NCOR2: variants seen among roughly 807,000 people sequenced by gnomAD.
The protein encoded by NCOR2 is nuclear receptor corepressor 2, also known as CTG repeat protein 26.
Under a neutral mutation model 262.9 loss-of-function variants are expected in NCOR2, and 81 were observed. That is an observed-to-expected ratio of 0.31 (90% CI 0.26 to 0.37). NCOR2 has a LOEUF of 0.37. Among genes scored for constraint, NCOR2 ranks in the 10% least tolerant of loss-of-function variants. The pLI is 1.00. For missense variants in NCOR2, 3,385 were observed against 3,621.4 expected (o/e 0.93, Z 1.68); for synonymous variants, 1,659 against 1,559.3 (o/e 1.06, Z -1.51).
chr12:124,491,561 A>G (rs2136874752), intron 1 of NCOR2, among the ~76,000 whole-genome samples: 1 of 152,314 alleles, frequency 6.6e-6, no homozygotes, highest in Middle Eastern at 3.4e-3. Context: ...ACACAGCAGA[A>G]AAGAGTCACG....
chr12:124,511,081 G>A (rs952701473), intron 1 of NCOR2, among the ~76,000 whole-genome samples: 1 of 152,242 alleles, frequency 6.6e-6, no homozygotes, highest in African/African-American at 2.4e-5. Flanking sequence ...CATGCTAAGA[G>A]CAAAATCGCA....
In NCOR2 at chr12:124,389,350, C is replaced by A. The variant is rs953664009; in HGVS notation, c.1877-3463G>T. Among the ~76,000 whole-genome samples the A allele has an allele frequency of 7.2e-5, 11 of 151,984 alleles. No homozygotes were observed. Among genetic ancestry groups the A allele is most frequent in the Admixed American group, 1.3e-4 (2 of 15,268 alleles). ...AATGTGACCTCCAGACGGAGGCTCG[C>A]GGCGGGCGGGCAGGCGGGCGGGGGA... On this transcript the variant is annotated intron_variant, in intron 16 of 46. Transcript: ENST00000405201. This position sits in a 1 kb window ranked among gnomAD's most constrained non-coding sequence, Gnocchi z 4.4.
intron 16 of NCOR2, among the ~76,000 whole-genome samples, chr12:124,387,618 G>A (rs2040915599): frequency 6.6e-6 from 1 of 152,180 alleles, no homozygotes; most frequent in African/African-American, 2.4e-5. Flanking sequence ...GAGCCACGTG[G>A]CCTCACAGCC....
At chr12:124,344,821 C>T (rs778778124) in exon 32 of NCOR2, 12 of 1,555,834 alleles carry the variant, frequency 7.7e-6, no homozygotes, top group African/African-American at 5.4e-5. Flanking sequence ...TTCCAGTGCC[C>T]GGGCGTCGGC....
intron 9 of NCOR2, 61 bp from the exon 12 acceptor site, chr12:124,429,767 C>T (rs970062087): frequency 6.8e-7 from 1 of 1,464,888 alleles, no homozygotes; most frequent in East Asian, 2.5e-5. Flanking sequence ...ACTAGCAGAC[C>T]CCTGTGGCGC....
Position 124,523,471 on chromosome 12 carries a change from C to T in NCOR2, c.-118+12094G>A, listed in dbSNP as rs547486194. On this transcript the variant is annotated intron_variant, in intron 1 of 46. Transcript: ENST00000404621. This position sits in a 1 kb window ranked among gnomAD's most constrained non-coding sequence, Gnocchi z 4.0. ...CCTAACCCGGGAAGGACACATCACG[C>T]CGGCCAGCATCACCCAAGCTCTCAG... Among the ~76,000 whole-genome samples the T allele has an allele frequency of 6.6e-6, 1 of 152,262 alleles. No individual in the cohort carries two copies. Among genetic ancestry groups the T allele is most frequent in the African/African-American group, 2.4e-5 (1 of 41,554 alleles).
At chr12:124,368,637 T>C (rs1423309715) in intron 20 of NCOR2, among the ~76,000 whole-genome samples, 1 of 152,228 alleles carries the variant, frequency 6.6e-6, no homozygotes, top group African/African-American at 2.4e-5. Flanking sequence ...ACAGGGCCTT[T>C]GCACTGGTGG....
chr12:124,369,581 G>A (rs960640355), intron 20 of NCOR2, among the ~76,000 whole-genome samples: 21 of 152,160 alleles, frequency 1.4e-4, no homozygotes, highest in Admixed American at 9.8e-4. Flanking sequence ...AGTCGTGGCC[G>A]GCAGAGGGAG....
intron 17 of NCOR2, chr12:124,383,433 G>T: frequency 3.5e-6 from 2 of 572,110 alleles, no homozygotes; most frequent in Non-Finnish European, 5.0e-6. Flanking sequence ...TTCACTGGTG[G>T]TCACCACACT....
intron 7 of NCOR2, among the ~76,000 whole-genome samples, chr12:124,441,873 C>A (rs1159220325): frequency 6.6e-6 from 1 of 152,222 alleles, no homozygotes; most frequent in Non-Finnish European, 1.5e-5. Flanking sequence ...CCCACCATCC[C>A]AGTCTTACCA....
intron 1 of NCOR2, among the ~76,000 whole-genome samples, chr12:124,565,250 G>C (rs900065665): frequency 6.6e-6 from 1 of 152,036 alleles, no homozygotes; most frequent in African/African-American, 2.4e-5. Context: ...CTGCGCTCCC[G>C]CCCCCATGTC....
At chr12:124,490,316 C>A (rs1008841186) in intron 1 of NCOR2, among the ~76,000 whole-genome samples, 20 of 152,178 alleles carry the variant, frequency 1.3e-4, no homozygotes, top group African/African-American at 4.8e-4. Flanking sequence ...GAGGTCAGCT[C>A]CCTGAGACAA....
At chr12:124,353,603 G>A (rs2037693895) in intron 27 of NCOR2, among the ~76,000 whole-genome samples, 1 of 152,230 alleles carries the variant, frequency 6.6e-6, no homozygotes, top group African/African-American at 2.4e-5. Flanking sequence ...CTCACCAGCT[G>A]CAAGGCTGGG....
chr12:124,467,083 TCCTCATCAC>T (rs1407952987), intron 4 of NCOR2, among the ~76,000 whole-genome samples: 2 of 120,764 alleles, frequency 1.7e-5, no homozygotes, highest in Non-Finnish European at 3.3e-5. Flanking sequence ...ATCATCTTCA[TCCTCATCAC>T]CCTCATCATC....
In NCOR2 at chr12:124,326,375, A is replaced by T. The variant is rs145370798; in HGVS notation, c.7184-5T>A. 28 of 1,487,244 alleles carry T rather than the reference A, an allele frequency of 1.9e-5. No individual in the cohort carries two copies. The African/African-American group carries it at 3.2e-4, about 17-fold the overall frequency. 92.1% of individuals were successfully genotyped at this position (1,487,244 alleles called of 1,614,324 possible). ...CCTTGGCCTTCCCGCCGCCACCTGC[A>T]GGGGGACAAGATGGGAAGGGGCTGC... is the stretch of plus-strand genomic sequence containing the variant. On this transcript the variant is annotated splice_region_variant and splice_polypyrimidine_tract_variant and intron_variant, in intron 45 of 46. Coordinates refer to ENST00000405201, the Ensembl canonical transcript of NCOR2.
chr12:124,376,004 G>A lies in NCOR2; in HGVS notation c.2168-1541C>T, dbSNP rs774835255. ...ATCCTGAGCACAAGAGACAGGTCACGCAGCGTGCGCTGGCTGGGCCGGCAG... is the reference window on the plus strand; with the variant it reads ...ATCCTGAGCACAAGAGACAGGTCACACAGCGTGCGCTGGCTGGGCCGGCAG... On this transcript the variant is annotated intron_variant, in intron 18 of 46. Transcript: ENST00000405201. Among the ~76,000 whole-genome samples the A allele has an allele frequency of 6.6e-5, 10 of 152,318 alleles. No individual in the cohort carries two copies. In the South Asian group the frequency reaches 1.2e-3, roughly 19 times the overall value.
intron 17 of NCOR2, 149 bp downstream of exon 19, chr12:124,385,596 C>T (rs1307693636): frequency 8.1e-7 from 1 of 1,233,412 alleles, no homozygotes; most frequent in Non-Finnish European, 1.1e-6. Context: ...TACTCCCGGG[C>T]TTGAACCCCC....
chr12:124,438,641 A>G (rs1202293914), intron 7 of NCOR2, among the ~76,000 whole-genome samples: 1 of 151,966 alleles, frequency 6.6e-6, no homozygotes, highest in Admixed American at 6.6e-5. Flanking sequence ...CTCCAAGAGA[A>G]GGAGGCACGT....
intron 14 of NCOR2, 110 bp downstream of exon 16, chr12:124,402,294 C>T: frequency 1.9e-6 from 3 of 1,548,608 alleles, no homozygotes; most frequent in South Asian, 2.5e-5. Flanking sequence ...CCCCTGCTCA[C>T]AGGCAATTGG....
Sources: allele counts gnomAD v4.1 joint callset (sites outside exome capture counted in the v4.1 genomes callset), GRCh38; gene constraint gnomAD v4.1.1; non-coding constraint Gnocchi (gnomAD v3.1); transcripts MANE v1.5; gene names NCBI Gene and HGNC (gene_info 2026-07-23, HGNC 2026-07-21).